The following HSDL1 variants were observed in gnomAD, a reference collection of about 807,000 sequenced individuals.
The protein encoded by HSDL1 is hydroxysteroid dehydrogenase like 1.
HSDL1 carries 29 observed loss-of-function variants against 31.5 expected under a neutral mutation model. The ratio of observed to expected loss-of-function variants is 0.92; its 90% CI spans 0.69 to 1.26. The LOEUF (loss-of-function observed/expected upper bound fraction) is 1.26, where lower values mean the gene tolerates loss of function less well. HSDL1 is among the 50% of genes most tolerant of loss of function. HSDL1 has a pLI of 0.00. For synonymous variants in HSDL1, 222 were observed against 155.2 expected, an observed-to-expected ratio of 1.43 and a Z score of -3.20; for missense variants, 503 against 416.6, an observed-to-expected ratio of 1.21 and a Z score of -1.81.
Position 84,130,171 on chromosome 16 carries a change from A to C in HSDL1, c.481T>G (p.Tyr161Asp). Residue 161 changes from tyrosine (Y) to aspartate (D), a missense_variant, in exon 4 of 6, where the codon TAT (tyrosine) becomes GAT (aspartate). Coordinates refer to ENST00000219439, the MANE Select transcript of HSDL1 (RefSeq NM_031463.5). ...TTGTCCTCGGACAGCTGAGTGAAAT[A>C]CTGCGGGTAGGGATAAAACACACCC... The part of the protein sequence containing the change: ...NVGVFYPYPQ[Y>D]FTQLSEDKLW... 1 of 1,614,244 alleles carries C rather than the reference A, an allele frequency of 6.2e-7. No homozygotes were observed. The highest frequency in any genetic ancestry group is 8.5e-7 in the Non-Finnish European group (1 of 1,180,050).
Position 84,130,329 on chromosome 16 carries a change from G to C in HSDL1, c.323C>G (p.Ala108Gly), listed in dbSNP as rs764327032. Residue 108 changes from alanine to glycine, a missense_variant, in exon 4 of 6, where the codon GCT becomes GGT. Coordinates refer to ENST00000219439, the MANE Select transcript of HSDL1 (RefSeq NM_031463.5). ...SRNEEKLQVV[A>G]KDIADTYKVE... The stretch of plus-strand genomic sequence containing the variant: ...TTTGTACGTGTCGGCTATGTCTTTA[G>C]CAACAACCTGCAACTTCTCCTCGTT... 6 of 1,614,200 alleles carry C rather than the reference G, an allele frequency of 3.7e-6. No individual in the cohort carries two copies. In the South Asian group the frequency reaches 6.6e-5, roughly 18 times the overall value.
At chr16:84,143,390 C>T (rs2086788400) in intron 1 of HSDL1, among the ~76,000 whole-genome samples, 1 of 152,100 alleles carries the variant, frequency 6.6e-6, no homozygotes, top group African/African-American at 2.4e-5. Context: ...TATGAAATGT[C>T]CAGCATAAGC....
chr16:84,136,453 C>T (rs1196019809), intron 1 of HSDL1, among the ~76,000 whole-genome samples: 1 of 152,260 alleles, frequency 6.6e-6, no homozygotes, highest in Non-Finnish European at 1.5e-5. Flanking sequence ...CACAAAGAAG[C>T]TCAACACTAC....
intron 1 of HSDL1, among the ~76,000 whole-genome samples, chr16:84,138,528 T>TTTCACAA (rs1555517871): frequency 1.5e-4 from 23 of 152,232 alleles, no homozygotes; most frequent in Admixed American, 6.5e-5. Flanking sequence ...AATTTGGTTG[T>TTTCACAA]GGTGATCATT....
chr16:84,138,484 TA>T lies in HSDL1; in HGVS notation c.-68-2880del, dbSNP rs1226584111. ...CTCAAGTGTTCTCACCATAAAGAAA[TA>T]AAAAAGTAACTGAGGTGATGAATGT... is the stretch of plus-strand genomic sequence containing the variant. On this transcript the variant is annotated intron_variant, in intron 1 of 5. Transcript: ENST00000219439. Among the ~76,000 whole-genome samples the T allele has an allele frequency of 1.3e-5, 2 of 149,778 alleles. 1 individual carries two copies.
At chr16:84,129,842 A>G (rs2086645014) in intron 4 of HSDL1, 67 bp from the exon 5 acceptor site, 15 of 1,466,366 alleles carry the variant, frequency 1.0e-5, no homozygotes, top group Non-Finnish European at 1.3e-5. Context: ...GGAGAAAAAA[A>G]GACTTGCTTA....
chr16:84,135,359 C>G (rs890202196), intron 2 of HSDL1, among the ~76,000 whole-genome samples, 185 bp downstream of exon 2: 1 of 145,084 alleles, frequency 6.9e-6, no homozygotes, highest in Non-Finnish European at 1.5e-5. Context: ...GTAAGGCTCT[C>G]GCTACAAAAA....
intron 2 of HSDL1, among the ~76,000 whole-genome samples, chr16:84,134,114 G>GC (rs35407617): frequency 6.6e-6 from 1 of 151,592 alleles, no homozygotes; most frequent in Non-Finnish European, 1.5e-5. Flanking sequence ...CAAAGTTAGG[G>GC]CCCCCCCTTC....
intron 1 of HSDL1, among the ~76,000 whole-genome samples, chr16:84,135,887 T>G (rs2086707615): frequency 6.6e-6 from 1 of 152,188 alleles, no homozygotes; most frequent in South Asian, 2.1e-4. Context: ...CTAGGGAACA[T>G]TTCATCAAAT....
At position 84,135,882 on chromosome 16, in the gene HSDL1, G is replaced by A. The variant is rs144225274; in HGVS notation, c.-68-277C>T. Reference sequence around the variant, plus strand: ...CTTTTCCTATGCCTTTTTTCCTAGGGAACATTTCATCAAATGGGACAAAAG... The same window carrying A: ...CTTTTCCTATGCCTTTTTTCCTAGGAAACATTTCATCAAATGGGACAAAAG... On this transcript the variant is annotated intron_variant, in intron 1 of 5. Coordinates refer to ENST00000219439, the MANE Select transcript of HSDL1 (RefSeq NM_031463.5). Among the ~76,000 whole-genome samples, 63 of 152,328 alleles carry A rather than the reference G, an allele frequency of 4.1e-4. 1 individual carries two copies. In the East Asian group the frequency reaches 0.011, roughly 27 times the overall value.
intron 5 of HSDL1, among the ~76,000 whole-genome samples, chr16:84,126,166 C>T (rs2086604880): frequency 6.6e-6 from 1 of 151,326 alleles, no homozygotes; most frequent in South Asian, 2.1e-4. Flanking sequence ...CAGACAGACG[C>T]ATACGTGGTT....
Position 84,130,207 on chromosome 16 carries a change from C to A in HSDL1, c.445G>T (p.Val149Leu). The A allele has an allele frequency of 6.2e-7, 1 of 1,614,212 alleles. No individual in the cohort carries two copies. The highest frequency in any genetic ancestry group is 8.5e-7 in the Non-Finnish European group (1 of 1,180,048). Residue 149 changes from valine (V) to leucine (L), a missense_variant, in exon 4 of 6, where the codon GTA becomes TTA. Val to Leu is a conservative substitution (Grantham distance 32, BLOSUM62 1). Coordinates refer to ENST00000219439, the MANE Select transcript of HSDL1 (RefSeq NM_031463.5). ...ALKDKDVGIL[V>L]NNVGVFYPYP... ...GGATAAAACACACCCACGTTATTTA[C>A]CAAGATGCCAACGTCTTTGTCCTTC...
chr16:84,131,167 A>C lies in HSDL1; in HGVS notation c.155T>G (p.Phe52Cys). 1 of 1,614,184 alleles carries C rather than the reference A, an allele frequency of 6.2e-7. No homozygotes were observed. The highest frequency in any genetic ancestry group is 8.5e-7 in the Non-Finnish European group (1 of 1,180,032). Reference sequence around the variant, plus strand: ...TGCTCTGCTCCCCAGGCGGGGGATAAAATGCAGCCTGATCAGGCTGTAAAA... The same window carrying C: ...TGCTCTGCTCCCCAGGCGGGGGATACAATGCAGCCTGATCAGGCTGTAAAA... Reference protein sequence around the residue: ...CDFYSLIRLHFIPRLGSRADL... With the variant: ...CDFYSLIRLHCIPRLGSRADL... The change falls in exon 3 of 6, where the codon TTT becomes TGT. Residue 52 changes from phenylalanine (F) to cysteine (C), a missense_variant. Transcript: ENST00000219439.
chr16:84,135,420 C>T (rs1171874679), intron 2 of HSDL1, 124 bp downstream of exon 2: 1 of 152,074 alleles, frequency 6.6e-6, no homozygotes, highest in African/African-American at 2.4e-5. Context: ...AAGCTTCCTC[C>T]TTAAGCCCGA....
chr16:84,144,226 G>A (rs759396914), intron 1 of HSDL1: 5 of 152,008 alleles, frequency 3.3e-5, no homozygotes, highest in Non-Finnish European at 7.4e-5. Context: ...TTTATAGATG[G>A]GGAAATTGAG....
Position 84,129,853 on chromosome 16 carries a change from T to G in HSDL1, c.667-78A>C, listed in dbSNP as rs11859059. The G allele has an allele frequency of 7.0e-3, 10,103 of 1,442,450 alleles. 579 individuals are homozygous for G. The African/African-American group carries it at 0.13, about 18-fold the overall frequency. The allele number at this position is 1,442,450 out of a possible 1,614,324, so 89.4% of individuals were successfully genotyped here. Reference sequence around the variant, plus strand: ...TTCAGGAGAAAAAAAGACTTGCTTATTATCAATTCAGGAAAAAATACAGGA... The same window carrying G: ...TTCAGGAGAAAAAAAGACTTGCTTAGTATCAATTCAGGAAAAAATACAGGA... On this transcript the variant is annotated intron_variant, in intron 4 of 5. Transcript: ENST00000219439.
Position 84,124,431 on chromosome 16 carries a change from T to A in HSDL1, c.*199A>T, listed in dbSNP as rs967245523. On this transcript the variant is annotated 3_prime_UTR_variant, in exon 6 of 6. Transcript: ENST00000219439. ...TGTCGTCAATCAGCCTCAGGCATTA[T>A]TGATCCTGTGCCATCCACACACCCT... 1 of 486,906 alleles carries A rather than the reference T, an allele frequency of 2.1e-6. No individual in the cohort carries two copies. Among genetic ancestry groups the A allele is most frequent in the Non-Finnish European group, 3.8e-6 (1 of 263,698 alleles). The allele number at this position is 486,906 out of a possible 1,614,324, so 30.2% of individuals were successfully genotyped here. A position where few individuals can be genotyped will look rare whatever the true frequency, so the allele number is the denominator to read the frequency against.
At chr16:84,142,708 C>CACTG (rs2086780133) in intron 1 of HSDL1, among the ~76,000 whole-genome samples, 1 of 151,944 alleles carries the variant, frequency 6.6e-6, no homozygotes. Context: ...CCTCCCAAAG[C>CACTG]ACTGGGATGT....
rs749651029 is a variant in HSDL1, at chr16:84,131,083, T to C, written c.220+19A>G. On this transcript the variant is annotated intron_variant, in intron 3 of 5. Coordinates refer to ENST00000219439, the MANE Select transcript of HSDL1 (RefSeq NM_031463.5). Reference sequence around the variant, plus strand: ...TCCGACTTCACAGAAAAGATTATTTTGATTATAAAGTAGGTTACCGCTGAC... The same window carrying C: ...TCCGACTTCACAGAAAAGATTATTTCGATTATAAAGTAGGTTACCGCTGAC... The C allele has an allele frequency of 5.3e-5, 83 of 1,572,044 alleles. No homozygotes were observed. Among genetic ancestry groups the C allele is most frequent in the Non-Finnish European group, 7.0e-5 (80 of 1,148,126 alleles).
Sources: gnomAD v4.1 joint callset for allele counts (sites outside exome capture counted in the v4.1 genomes callset) on GRCh38, gnomAD v4.1.1 for gene constraint, MANE v1.5 for transcripts, NCBI Gene and HGNC (gene_info 2026-07-23, HGNC 2026-07-21) for gene names.